The following UGP2 variants were observed in gnomAD, a reference collection of about 807,000 sequenced individuals.
The protein encoded by UGP2 is UTP--glucose-1-phosphate uridylyltransferase.
A neutral mutation model predicts 49.0 loss-of-function variants in UGP2; 40 were observed. The observed-to-expected ratio is 0.82, with a 90% CI of 0.63 to 1.06. UGP2 has a LOEUF of 1.06. UGP2 is among the 50% of genes least tolerant of loss of function. The pLI is 0.00. For missense variants in UGP2, 460 were observed against 603.5 expected (o/e 0.76, Z 2.49); for synonymous variants, 225 against 213.0 (o/e 1.06, Z -0.49).
chr2:63,870,680 A>G (rs1011561023), intron 3 of UGP2, among the ~76,000 whole-genome samples: 29 of 152,188 alleles, frequency 1.9e-4, no homozygotes, highest in African/African-American at 6.8e-4. Context: ...TGTTTTATTC[A>G]TTTATTCGCT....
intron 3 of UGP2, among the ~76,000 whole-genome samples, chr2:63,867,401 A>T (rs1180539932): frequency 1.3e-5 from 2 of 152,236 alleles, no homozygotes; most frequent in Non-Finnish European, 2.9e-5. Flanking sequence ...AAAAGTAGAA[A>T]TAATAAAAGA....
intron 1 of UGP2, among the ~76,000 whole-genome samples, chr2:63,849,755 G>T (rs139332124): frequency 6.6e-6 from 1 of 152,186 alleles, no homozygotes; most frequent in African/African-American, 2.4e-5. Context: ...GAAACAGGGC[G>T]CCAGGCAACA....
At chr2:63,869,324 A>G (rs145513508) in intron 3 of UGP2, among the ~76,000 whole-genome samples, 2 of 152,240 alleles carry the variant, frequency 1.3e-5, no homozygotes, top group African/African-American at 2.4e-5. Flanking sequence ...AGCATTTAAT[A>G]TTATCACTTT....
At position 63,891,282 on chromosome 2, in the gene UGP2, T is replaced by TTCTC; in HGVS notation, c.*57_*60dup. ...TGGGCTAGTTTCTTACAATGAAATGTTCTCTAGGATTCTAAAATAGGCAGG... is the reference window on the plus strand; with the variant it reads ...TGGGCTAGTTTCTTACAATGAAATGTTCTCTCTCTAGGATTCTAAAATAGGCAGG... On this transcript the variant is annotated 3_prime_UTR_variant, in exon 10 of 10. Coordinates refer to ENST00000337130, the MANE Select transcript of UGP2 (RefSeq NM_006759.4). 6 of 1,440,842 alleles carry TTCTC rather than the reference T, an allele frequency of 4.2e-6. No homozygotes were observed. Among genetic ancestry groups the TTCTC allele is most frequent in the Non-Finnish European group, 5.8e-6 (6 of 1,031,624 alleles). The allele number at this position is 1,440,842 out of a possible 1,614,324, so 89.3% of individuals were successfully genotyped here.
chr2:63,888,483 T>C (rs1456066208), intron 8 of UGP2: 1 of 152,226 alleles, frequency 6.6e-6, no homozygotes, highest in East Asian at 1.9e-4. Flanking sequence ...TGTACATACA[T>C]TGATTAATAA....
In UGP2 at chr2:63,891,435, A is replaced by G; in HGVS notation, c.*208A>G. On this transcript the variant is annotated 3_prime_UTR_variant, in exon 10 of 10. Coordinates refer to ENST00000337130, the MANE Select transcript of UGP2 (RefSeq NM_006759.4). ...TTCTTTGAAGAGAATCCCAAAAGTT[A>G]GTTCATCTTAAAGTGCAATATTGTT... The G allele has an allele frequency of 2.6e-6, 1 of 391,124 alleles. No homozygotes were observed. Among genetic ancestry groups the G allele is most frequent in the East Asian group, 4.2e-5 (1 of 24,014 alleles). 24.2% of individuals were successfully genotyped at this position (391,124 alleles called of 1,614,324 possible).
rs751072641 is a variant in UGP2 at position 63,882,419 on chromosome 2, C to T, written c.256-47C>T. The T allele has an allele frequency of 2.1e-6, 3 of 1,424,330 alleles. 1 individual carries two copies. The South Asian group carries it at 4.9e-5, about 23-fold the overall frequency. The allele number at this position is 1,424,330 out of a possible 1,614,324, so 88.2% of individuals were successfully genotyped here. ...CCCTGGGATTGATATGCTTTAACGT[C>T]CCTTAAAGCTGTTTAAATTACTCCT... On this transcript the variant is annotated intron_variant, in intron 3 of 9. Transcript: ENST00000337130.
Position 63,841,989 on chromosome 2 carries a change from A to G in UGP2, c.-197A>G. ...AGTTTCCGTCTTTTGGAATTGGGGA[A>G]GGAGTTTCTTTCTTTCTTTTCTTTT... On this transcript the variant is annotated 5_prime_UTR_variant, in exon 1 of 10. Coordinates refer to ENST00000337130, the MANE Select transcript of UGP2 (RefSeq NM_006759.4). 2 of 598,140 alleles carry G rather than the reference A, an allele frequency of 3.3e-6. No homozygotes were observed. The highest frequency in any genetic ancestry group is 8.9e-5 in the South Asian group (2 of 22,388). The allele number at this position is 598,140 out of a possible 1,614,324, so 37.1% of individuals were successfully genotyped here. A position where few individuals can be genotyped will look rare whatever the true frequency, so the allele number is the denominator to read the frequency against.
At chr2:63,854,380 A>G (rs995023264) in intron 1 of UGP2, among the ~76,000 whole-genome samples, 3 of 152,250 alleles carry the variant, frequency 2.0e-5, no homozygotes, top group African/African-American at 7.2e-5. Flanking sequence ...GATTATTCAG[A>G]GGATTTTAGT....
chr2:63,889,712 A>G (rs531535214), intron 8 of UGP2: 53 of 165,632 alleles, frequency 3.2e-4, no homozygotes, highest in Admixed American at 2.1e-3. Flanking sequence ...CCTATCCACT[A>G]AAGTCCAGCT....
At position 63,891,295 on chromosome 2, in the gene UGP2, TAA is replaced by T; in HGVS notation, c.*71_*72del. On this transcript the variant is annotated 3_prime_UTR_variant, in exon 10 of 10. Transcript: ENST00000337130. Reference sequence around the variant, plus strand: ...TACAATGAAATGTTCTCTAGGATTCTAAAATAGGCAGGTACTTTACTATGTTA... The same window carrying T: ...TACAATGAAATGTTCTCTAGGATTCTAATAGGCAGGTACTTTACTATGTTA... 7.3e-7 allele frequency: 1 copy of T among 1,361,340 alleles called. No homozygotes were observed. Among genetic ancestry groups the T allele is most frequent in the South Asian group, 1.2e-5 (1 of 81,058 alleles). 84.3% of individuals were successfully genotyped at this position (1,361,340 alleles called of 1,614,324 possible). A position where few individuals can be genotyped will look rare whatever the true frequency, so the allele number is the denominator to read the frequency against.
At chr2:63,870,445 C>G (rs1050756760) in intron 3 of UGP2, among the ~76,000 whole-genome samples, 4 of 152,050 alleles carry the variant, frequency 2.6e-5, no homozygotes, top group Non-Finnish European at 4.4e-5. Context: ...ATTTTATGAC[C>G]TATAAAATTT....
At chr2:63,860,144 A>G (rs1425236001) in intron 3 of UGP2, among the ~76,000 whole-genome samples, 1 of 152,186 alleles carries the variant, frequency 6.6e-6, no homozygotes, top group Non-Finnish European at 1.5e-5. Context: ...TTTAAAAAAA[A>G]TGCAAATAAT....
intron 9 of UGP2, among the ~76,000 whole-genome samples, chr2:63,890,575 A>C (rs924313439): frequency 6.6e-6 from 1 of 152,200 alleles, no homozygotes; most frequent in Admixed American, 6.5e-5. Context: ...AGCTTTTTCC[A>C]AATCATGTAA....
chr2:63,877,510 T>C (rs1300219479), intron 3 of UGP2, among the ~76,000 whole-genome samples: 3 of 152,264 alleles, frequency 2.0e-5, no homozygotes. Context: ...TTCAAAAATA[T>C]TTCAGCATGC....
At position 63,890,116 on chromosome 2, in the gene UGP2, A is replaced by G. The variant is rs1300968213; in HGVS notation, c.1350A>G (p.Pro450=). ...ATCTAAGAAGATTTGAAAGTATACCAGATATGCTTGAATTGGATCACCTCA... is the reference window on the plus strand; with the variant it reads ...ATCTAAGAAGATTTGAAAGTATACCGGATATGCTTGAATTGGATCACCTCA... ...QDYLRRFESI[P]DMLELDHLTV... The change falls in exon 9 of 10, where the codon CCA becomes CCG. Residue 450 remains proline, a synonymous_variant. Coordinates refer to ENST00000337130, the MANE Select transcript of UGP2 (RefSeq NM_006759.4). The G allele has an allele frequency of 6.2e-7, 1 of 1,611,914 alleles. No homozygotes were observed. The highest frequency in any genetic ancestry group is 1.7e-5 in the Admixed American group (1 of 59,240).
intron 8 of UGP2, 175 bp downstream of exon 8, chr2:63,887,819 A>G (rs1671794348): frequency 2.3e-6 from 2 of 868,896 alleles, no homozygotes; most frequent in South Asian, 4.0e-5. Flanking sequence ...TTTACTTCAC[A>G]TTTGAAACAT....
At chr2:63,868,808 T>C (rs1441590058) in intron 3 of UGP2, among the ~76,000 whole-genome samples, 2 of 152,028 alleles carry the variant, frequency 1.3e-5, no homozygotes, top group African/African-American at 4.8e-5. Context: ...ACCCCATCTC[T>C]ACTAAAAATA....
chr2:63,849,602 T>C (rs892891594), intron 1 of UGP2, among the ~76,000 whole-genome samples: 3 of 152,244 alleles, frequency 2.0e-5, no homozygotes, highest in African/African-American at 7.2e-5. Context: ...GAAAGTATTA[T>C]TCTAATTGTA....
Sources: allele counts gnomAD v4.1 joint callset (sites outside exome capture counted in the v4.1 genomes callset), GRCh38; gene constraint gnomAD v4.1.1; transcripts MANE v1.5; gene names NCBI Gene and HGNC (gene_info 2026-07-23, HGNC 2026-07-21).